The following PCDH15 variants were observed in gnomAD, a reference collection of about 807,000 sequenced individuals.
PCDH15 encodes protocadherin related 15.
In PCDH15, 129 loss-of-function variants were observed where a neutral mutation model predicts 178.5. The observed-to-expected ratio is 0.72, with a 90% CI of 0.63 to 0.84. The LOEUF is 0.84. Ranked by LOEUF, PCDH15 falls within the 40% of genes least tolerant of loss-of-function variation. The pLI is 0.00. For synonymous variants in PCDH15, 800 were observed against 732.0 expected (o/e 1.09, Z -1.50); for missense variants, 2,230 against 2,099.9 (o/e 1.06, Z -1.21).
At chr10:54,536,520 T>G (rs967090317) in intron 2 of PCDH15, among the ~76,000 whole-genome samples, 1 of 152,164 alleles carries the variant, frequency 6.6e-6, no homozygotes, top group Admixed American at 6.5e-5. Context: ...TCTTTTATAT[T>G]TAGGAGGTAT....
At chr10:54,840,927 G>A (rs1020980158) in intron 3 of PCDH15, among the ~76,000 whole-genome samples, 23 of 151,748 alleles carry the variant, frequency 1.5e-4, no homozygotes, top group Admixed American at 1.3e-4. Context: ...AGTATATAAA[G>A]GAAATGTTAA....
rs148368942 is a variant in PCDH15 at position 54,628,572 on chromosome 10, C to T, written c.91+35600G>A. Among the ~76,000 whole-genome samples, 34 of 152,156 alleles carry T rather than the reference C, an allele frequency of 2.2e-4. No homozygotes were observed. The East Asian group carries it at 5.0e-3, about 22-fold the overall frequency. On this transcript the variant is annotated intron_variant, in intron 2 of 37. Transcript: ENST00000644397. ...TATCTTAGAAGTCATGCCAGTAATT[C>T]GTCTAAATTTAAGCATCAATTGAAA...
In PCDH15 at chr10:53,932,795, C is replaced by T. The variant is rs199806787; in HGVS notation, c.3373+6020G>A. ...TGCTTGCCACACAGATGGGCAATCA[C>T]TGAGACAATGAGTATTGCTAGGGAA... On this transcript the variant is annotated intron_variant, in intron 25 of 37. Transcript: ENST00000644397. Among the ~76,000 whole-genome samples the T allele has an allele frequency of 5.3e-5, 8 of 152,290 alleles. No homozygotes were observed. In the East Asian group the frequency reaches 9.6e-4, roughly 18 times the overall value.
chr10:55,056,053 C>T (rs1300683902), intron 2 of PCDH15, among the ~76,000 whole-genome samples: 1 of 152,124 alleles, frequency 6.6e-6, no homozygotes, highest in Non-Finnish European at 1.5e-5. Flanking sequence ...CAATGTACCA[C>T]CTTGCAAAAC....
chr10:54,379,528 TACTAGAACA>T (rs1035077455), intron 3 of PCDH15, among the ~76,000 whole-genome samples: 9 of 152,122 alleles, frequency 5.9e-5, no homozygotes, highest in African/African-American at 2.2e-4. Flanking sequence ...TGGGTTACTC[TACTAGAACA>T]ACGCACTAGG....
intron 3 of PCDH15, among the ~76,000 whole-genome samples, chr10:54,823,471 T>C (rs1335147903): frequency 1.3e-5 from 2 of 152,188 alleles, no homozygotes; most frequent in Non-Finnish European, 2.9e-5. Flanking sequence ...GAGCAATTCA[T>C]AGTTGTTTCA....
intron 34 of PCDH15, among the ~76,000 whole-genome samples, chr10:53,817,169 AG>A (rs2076088855): frequency 1.0e-4 from 9 of 88,598 alleles, no homozygotes; most frequent in African/African-American, 4.3e-4. Context: ...TTGGTGAGTT[AG>A]TTATTTTACT....
intron 8 of PCDH15, among the ~76,000 whole-genome samples, chr10:54,310,733 T>G (rs1190000397): frequency 6.6e-6 from 1 of 152,096 alleles, no homozygotes; most frequent in Middle Eastern, 3.4e-3. Flanking sequence ...CAACTCAATC[T>G]TAGTAAAACA....
chr10:55,286,644 T>C (rs1163746587), intron 1 of PCDH15, among the ~76,000 whole-genome samples: 1 of 151,952 alleles, frequency 6.6e-6, no homozygotes, highest in Non-Finnish European at 1.5e-5. Flanking sequence ...CACAGATGTA[T>C]TTTAAAACTT....
intron 1 of PCDH15, among the ~76,000 whole-genome samples, chr10:54,688,605 G>A (rs1263745850): frequency 3.3e-5 from 5 of 152,052 alleles, no homozygotes; most frequent in African/African-American, 1.2e-4. Context: ...AAACAAGTAT[G>A]CTTACATAGG....
Position 54,702,182 on chromosome 10 carries a change from GA to G in PCDH15, c.-28-37893del, listed in dbSNP as rs575022524. Among the ~76,000 whole-genome samples, 803 of 151,898 alleles carry G rather than the reference GA, an allele frequency of 5.3e-3. 7 individuals are homozygous for G. Among genetic ancestry groups the G allele is most frequent in the African/African-American group, 0.017 (688 of 41,446 alleles). On this transcript the variant is annotated intron_variant, in intron 1 of 37. Coordinates refer to ENST00000644397, the MANE Select transcript of PCDH15 (RefSeq NM_001384140.1). ...CAAAATCATACAAATACATCAAAAT[GA>G]AAAAAGCTACTCCTGGATTACAATG...
intron 20 of PCDH15, among the ~76,000 whole-genome samples, chr10:54,000,660 C>G (rs2092089628): frequency 6.6e-6 from 1 of 151,284 alleles, no homozygotes; most frequent in Non-Finnish European, 1.5e-5. Context: ...AAAAAAAGAA[C>G]AAAATCAATG....
chr10:54,709,838 G>T (rs2095410242), intron 1 of PCDH15, among the ~76,000 whole-genome samples: 1 of 148,770 alleles, frequency 6.7e-6, no homozygotes, highest in East Asian at 2.0e-4. Context: ...TGAACTTATG[G>T]TTTTACTTTA....
chr10:55,297,161 T>C (rs996125640), intron 1 of PCDH15, among the ~76,000 whole-genome samples: 11 of 151,704 alleles, frequency 7.3e-5, no homozygotes, highest in South Asian at 2.1e-4. Context: ...AAGAACATTA[T>C]ACAGTATGTT....
chr10:55,568,096 GTATTT>G lies in PCDH15; in HGVS notation c.-156+59524_-156+59528del, dbSNP rs368388188. Among the ~76,000 whole-genome samples, 45 of 152,012 alleles carry G rather than the reference GTATTT, an allele frequency of 3.0e-4. 1 individual carries two copies. In the East Asian group the frequency reaches 8.2e-3, roughly 28 times the overall value. ...ATGTACCCAATAGTTTCTTAAATAT[GTATTT>G]TATACCCATGTTGTTAATAGCATTA... On this transcript the variant is annotated intron_variant, in intron 2 of 5. Transcript: ENST00000613346.
At chr10:55,282,272 G>T (rs956636471) in intron 1 of PCDH15, among the ~76,000 whole-genome samples, 1 of 152,030 alleles carries the variant, frequency 6.6e-6, no homozygotes, top group Non-Finnish European at 1.5e-5. Flanking sequence ...GCATATGCTG[G>T]TTTGTCTATC....
At chr10:55,448,934 A>G (rs937905630) in intron 2 of PCDH15, among the ~76,000 whole-genome samples, 17 of 152,048 alleles carry the variant, frequency 1.1e-4, no homozygotes, top group Non-Finnish European at 1.0e-4. Context: ...AGAATTTTCA[A>G]TTCTTTTATC....
intron 2 of PCDH15, among the ~76,000 whole-genome samples, chr10:55,551,562 T>A (rs1437875960): frequency 6.6e-6 from 1 of 151,756 alleles, no homozygotes; most frequent in African/African-American, 2.4e-5. Context: ...TATTTAATGA[T>A]GTGTTTCCCA....
At chr10:54,760,916 A>G (rs1217057912) in intron 1 of PCDH15, among the ~76,000 whole-genome samples, 1 of 152,134 alleles carries the variant, frequency 6.6e-6, no homozygotes, top group African/African-American at 2.4e-5. Context: ...CTGTGCAGAA[A>G]TTCAATGCCA....
Sources: allele counts gnomAD v4.1 joint callset (sites outside exome capture counted in the v4.1 genomes callset), GRCh38; gene constraint gnomAD v4.1.1; transcripts MANE v1.5; gene names NCBI Gene and HGNC (gene_info 2026-07-23, HGNC 2026-07-21).